FAM124A: variants seen among roughly 807,000 people sequenced by gnomAD.
The protein encoded by FAM124A is protein FAM124A.
In FAM124A, 23 loss-of-function variants were observed where a neutral mutation model predicts 24.5. The ratio of observed to expected loss-of-function variants is 0.94; its 90% CI spans 0.68 to 1.33. The LOEUF is 1.33. FAM124A is among the 40% of genes most tolerant of loss of function. FAM124A has a pLI of 0.00. For synonymous variants in FAM124A, 287 were observed against 314.7 expected (o/e 0.91, Z 0.93); for missense variants, 623 against 722.8 (o/e 0.86, Z 1.58).
Position 51,251,599 on chromosome 13 carries a change from C to G in FAM124A, c.232C>G (p.Leu78Val), listed in dbSNP as rs751044314. The change falls in exon 3 of 4, where the codon CTG becomes GTG. Residue 78 changes from leucine (L) to valine (V), a missense_variant. Transcript: ENST00000322475. This position sits in a 1 kb window ranked among gnomAD's most constrained non-coding sequence, Gnocchi z 5.3. Reference protein sequence around the residue: ...VLAWIHPDLPLFRVSERRASR... With the variant: ...VLAWIHPDLPVFRVSERRASR... Reference sequence around the variant, plus strand: ...GGCGTGGATCCACCCCGACCTCCCGCTGTTCCGGGTGTCCGAGAGGCGGGC... The same window carrying G: ...GGCGTGGATCCACCCCGACCTCCCGGTGTTCCGGGTGTCCGAGAGGCGGGC... 1 of 1,570,786 alleles carries G rather than the reference C, an allele frequency of 6.4e-7. No homozygotes were observed. Among genetic ancestry groups the G allele is most frequent in the Non-Finnish European group, 8.7e-7 (1 of 1,156,008 alleles).
chr13:51,264,811 T>C lies in FAM124A; in HGVS notation c.834+12610T>C, dbSNP rs2137696713. On this transcript the variant is annotated intron_variant, in intron 3 of 3. Transcript: ENST00000322475. ...CAAATCAGAGTAACTGAGATGTCCA[T>C]CACATTTACTAAGCACATATTTGCA... is the stretch of plus-strand genomic sequence containing the variant. Among the ~76,000 whole-genome samples the C allele has an allele frequency of 1.3e-5, 2 of 152,330 alleles. 1 individual carries two copies. Among genetic ancestry groups the C allele is most frequent in the South Asian group, 4.1e-4 (2 of 4,826 alleles).
At chr13:51,257,931 G>A (rs985603188) in intron 3 of FAM124A, among the ~76,000 whole-genome samples, 4 of 152,178 alleles carry the variant, frequency 2.6e-5, no homozygotes, top group Non-Finnish European at 5.9e-5. Context: ...AAACTGGGTG[G>A]CTTAAACAAC....
chr13:51,246,189 G>T (rs1954555476), intron 2 of FAM124A, among the ~76,000 whole-genome samples: 1 of 152,144 alleles, frequency 6.6e-6, no homozygotes, highest in Non-Finnish European at 1.5e-5. Context: ...GTTCTGGTCT[G>T]TGTTTTACCA....
chr13:51,252,274 T>G, intron 3 of FAM124A, 73 bp downstream of exon 3: 1 of 1,528,142 alleles, frequency 6.5e-7, no homozygotes, highest in Non-Finnish European at 8.8e-7. Context: ...AACACTATAG[T>G]ACCAGTCACA....
At chr13:51,276,223 G>C (rs1196007384) in intron 3 of FAM124A, among the ~76,000 whole-genome samples, 2 of 152,132 alleles carry the variant, frequency 1.3e-5, no homozygotes, top group Non-Finnish European at 2.9e-5. Context: ...AGCTAGGGAG[G>C]CTAAGTAACT....
Position 51,280,594 on chromosome 13 carries a change from C to T in FAM124A, c.979C>T (p.His327Tyr), listed in dbSNP as rs1954926214. 1 of 1,614,200 alleles carries T rather than the reference C, an allele frequency of 6.2e-7. No individual in the cohort carries two copies. Among genetic ancestry groups the T allele is most frequent in the Non-Finnish European group, 8.5e-7 (1 of 1,180,040 alleles). Residue 327 changes from histidine to tyrosine, a missense_variant, in exon 4 of 4, where the codon CAC becomes TAC. Coordinates refer to ENST00000322475, the MANE Select transcript of FAM124A (RefSeq NM_001242312.2). ...SSQQSPLNSPHPGPIRTGLPP... is the reference protein window; with the variant it reads ...SSQQSPLNSPYPGPIRTGLPP... ...CCAGCAGTCCCCGCTCAACAGTCCT[C>T]ACCCGGGGCCCATCCGGACAGGCCT...
chr13:51,230,269 T>G (rs886728582), intron 1 of FAM124A, among the ~76,000 whole-genome samples: 6 of 152,148 alleles, frequency 3.9e-5, no homozygotes, highest in African/African-American at 1.4e-4. Context: ...TTTTGAGTGA[T>G]GTAGGTTATT....
At chr13:51,277,051 C>T (rs73195965) in intron 3 of FAM124A, among the ~76,000 whole-genome samples, 13,264 of 152,046 alleles carry the variant, frequency 0.087, 735 homozygotes, top group East Asian at 0.27. Flanking sequence ...CAGCACTGTC[C>T]ACAGTAGCAA....
Position 51,222,469 on chromosome 13 carries a change from G to C in FAM124A, c.-33G>C. 8.3e-7 allele frequency: 1 copy of C among 1,205,114 alleles called. No individual in the cohort carries two copies. The allele number at this position is 1,205,114 out of a possible 1,614,324, so 74.7% of individuals were successfully genotyped here. Reference sequence around the variant, plus strand: ...GGAGGGCGCCCCGGGTCACGACGGCGCCCGCAAGCCGAGCGCGGCCGGGAC... The same window carrying C: ...GGAGGGCGCCCCGGGTCACGACGGCCCCCGCAAGCCGAGCGCGGCCGGGAC... On this transcript the variant is annotated 5_prime_UTR_variant, in exon 1 of 4. Coordinates refer to ENST00000322475, the MANE Select transcript of FAM124A (RefSeq NM_001242312.2).
At chr13:51,268,292 A>C (rs1954808235) in intron 3 of FAM124A, among the ~76,000 whole-genome samples, 1 of 152,246 alleles carries the variant, frequency 6.6e-6, no homozygotes, top group Admixed American at 6.5e-5. Flanking sequence ...AATGGAAAGG[A>C]GTAATGAGAA....
chr13:51,222,516 G>C lies in FAM124A; in HGVS notation c.15G>C (p.Ala5=), dbSNP rs1295905198. 1 of 1,225,652 alleles carries C rather than the reference G, an allele frequency of 8.2e-7. No homozygotes were observed. The highest frequency in any genetic ancestry group is 4.3e-5 in the Admixed American group (1 of 23,174). 75.9% of individuals were successfully genotyped at this position (1,225,652 alleles called of 1,614,324 possible). Reference sequence around the variant, plus strand: ...GGACGTGCACCATGGACCCAAAGGCGGGCGGCGGCGGCGAGGAGGACGACT... The same window carrying C: ...GGACGTGCACCATGGACCCAAAGGCCGGCGGCGGCGGCGAGGAGGACGACT... MDPK[A]GGGGEEDDCV... is the part of the protein sequence containing the mutation. The change falls in exon 1 of 4, where the codon GCG becomes GCC. Residue 5 remains alanine, a synonymous_variant. Coordinates refer to ENST00000322475, the MANE Select transcript of FAM124A (RefSeq NM_001242312.2).
intron 3 of FAM124A, among the ~76,000 whole-genome samples, chr13:51,279,283 C>A (rs951835679): frequency 6.6e-6 from 1 of 152,144 alleles, no homozygotes; most frequent in African/African-American, 2.4e-5. Context: ...CAGCAGCCAC[C>A]CAGCTGTGAC....
At chr13:51,230,827 T>C (rs746540210) in intron 1 of FAM124A, among the ~76,000 whole-genome samples, 7 of 152,214 alleles carry the variant, frequency 4.6e-5, no homozygotes, top group Admixed American at 3.9e-4. Flanking sequence ...CTGAAATCAG[T>C]GGAAATATCA....
rs781087415 is a variant in FAM124A at position 51,280,624 on chromosome 13, C to T, written c.1009C>T (p.Pro337Ser). The T allele has an allele frequency of 3.1e-6, 5 of 1,614,240 alleles. No individual in the cohort carries two copies. In the South Asian group the frequency reaches 5.5e-5, roughly 18 times the overall value. Residue 337 changes from proline to serine, a missense_variant, in exon 4 of 4, where the codon CCT (proline) becomes TCT (serine). Coordinates refer to ENST00000322475, the MANE Select transcript of FAM124A (RefSeq NM_001242312.2). Reference protein sequence around the residue: ...HPGPIRTGLPPGHQQEFAGRA... With the variant: ...HPGPIRTGLPSGHQQEFAGRA... ...GGGGCCCATCCGGACAGGCCTGCCTCCTGGGCACCAGCAGGAATTTGCCGG... is the reference window on the plus strand; with the variant it reads ...GGGGCCCATCCGGACAGGCCTGCCTTCTGGGCACCAGCAGGAATTTGCCGG...
At chr13:51,241,701 A>G (rs1014908560) in intron 2 of FAM124A, among the ~76,000 whole-genome samples, 36 of 151,060 alleles carry the variant, frequency 2.4e-4, no homozygotes, top group South Asian at 6.4e-4. Context: ...TGTTATATTA[A>G]AATTTTCAAA....
chr13:51,274,177 G>A (rs540928197), intron 3 of FAM124A, among the ~76,000 whole-genome samples: 1 of 152,148 alleles, frequency 6.6e-6, no homozygotes, highest in Non-Finnish European at 1.5e-5. Context: ...ACTTCTAGGT[G>A]CCCAGCCCTT....
chr13:51,271,164 G>A (rs1954837110), intron 3 of FAM124A, among the ~76,000 whole-genome samples: 2 of 152,186 alleles, frequency 1.3e-5, no homozygotes, highest in African/African-American at 2.4e-5. Flanking sequence ...GAATGCTAAA[G>A]GAATTAACAT....
At position 51,272,972 on chromosome 13, in the gene FAM124A, G is replaced by A. The variant is rs17075506; in HGVS notation, c.835-7478G>A. 0.071 allele frequency among the ~76,000 whole-genome samples: 10,763 copies of A among 152,242 alleles called. 458 individuals are homozygous for A. The highest frequency in any genetic ancestry group is 0.16 in the Middle Eastern group (46 of 294). ...TCTAAGAAATGACACTTGGATAAGGGTAAAACCTCTTTTTTTCCCCCATTA... is the reference window on the plus strand; with the variant it reads ...TCTAAGAAATGACACTTGGATAAGGATAAAACCTCTTTTTTTCCCCCATTA... On this transcript the variant is annotated intron_variant, in intron 3 of 3. Coordinates refer to ENST00000322475, the MANE Select transcript of FAM124A (RefSeq NM_001242312.2). This position sits in a 1 kb window ranked among gnomAD's most constrained non-coding sequence, Gnocchi z 4.2.
At chr13:51,239,391 G>T (rs930590405) in intron 2 of FAM124A, among the ~76,000 whole-genome samples, 1 of 151,976 alleles carries the variant, frequency 6.6e-6, no homozygotes, top group Non-Finnish European at 1.5e-5. Context: ...AACATTTTGG[G>T]TAATAATTTA....
Sources: gnomAD v4.1 joint callset for allele counts (sites outside exome capture counted in the v4.1 genomes callset) on GRCh38, gnomAD v4.1.1 for gene constraint, Gnocchi (gnomAD v3.1) non-coding constraint, MANE v1.5 for transcripts, NCBI Gene and HGNC (gene_info 2026-07-23, HGNC 2026-07-21) for gene names.